The following TMEM132D variants were observed in gnomAD, a reference collection of about 807,000 sequenced individuals.
TMEM132D encodes mature OL transmembrane protein.
In TMEM132D, 21 loss-of-function variants were observed where a neutral mutation model predicts 62.3. The observed-to-expected ratio is 0.34, with a 90% CI of 0.24 to 0.49. The LOEUF (loss-of-function observed/expected upper bound fraction) is 0.49. TMEM132D is among the 20% of genes least tolerant of loss of function. The pLI, the probability that TMEM132D is intolerant of heterozygous loss-of-function variation, is 0.99. For missense variants in TMEM132D, 1,346 were observed against 1,402.8 expected (o/e 0.96, Z 0.65); for synonymous variants, 621 against 575.6 (o/e 1.08, Z -1.13).
At chr12:129,693,982 A>C (rs933490286) in intron 2 of TMEM132D, among the ~76,000 whole-genome samples, 2 of 152,148 alleles carry the variant, frequency 1.3e-5, no homozygotes, top group Non-Finnish European at 2.9e-5. Context: ...CCTAGTGCCC[A>C]TCTTTGCTGT....
At chr12:129,241,887 T>A (rs1014499598) in intron 4 of TMEM132D, among the ~76,000 whole-genome samples, 1 of 152,148 alleles carries the variant, frequency 6.6e-6, no homozygotes, top group African/African-American at 2.4e-5. Context: ...ATATTAGGTG[T>A]CCATAATTAT....
intron 3 of TMEM132D, among the ~76,000 whole-genome samples, chr12:129,514,765 T>C (rs191374200): frequency 9.2e-5 from 14 of 152,334 alleles, no homozygotes; most frequent in African/African-American, 2.6e-4. Context: ...AATTTTGCTT[T>C]TATGATCCAT....
intron 1 of TMEM132D, among the ~76,000 whole-genome samples, chr12:129,751,463 G>A (rs559644150): frequency 6.0e-4 from 91 of 152,206 alleles, no homozygotes; most frequent in Admixed American, 5.1e-3. Context: ...GATTTGGGTG[G>A]GGACACACAG....
chr12:129,528,537 G>A (rs577739515), intron 3 of TMEM132D, among the ~76,000 whole-genome samples: 4 of 151,876 alleles, frequency 2.6e-5, no homozygotes, highest in African/African-American at 7.2e-5. Flanking sequence ...AGTAGAAATC[G>A]CAGTTGCCAG....
intron 1 of TMEM132D, among the ~76,000 whole-genome samples, chr12:129,705,548 A>G (rs931150751): frequency 1.3e-5 from 2 of 152,228 alleles, no homozygotes; most frequent in Non-Finnish European, 2.9e-5. Context: ...TAATTGAACA[A>G]TTATTTGCCC....
intron 3 of TMEM132D, among the ~76,000 whole-genome samples, chr12:129,370,189 CCAAA>C (rs1388299205): frequency 6.6e-6 from 1 of 152,204 alleles, no homozygotes; most frequent in Non-Finnish European, 1.5e-5. Context: ...ACCATGCAGG[CCAAA>C]CAAACAAGCC....
chr12:129,338,993 G>T (rs971449915), intron 3 of TMEM132D, among the ~76,000 whole-genome samples: 1 of 151,940 alleles, frequency 6.6e-6, no homozygotes, highest in Non-Finnish European at 1.5e-5. Context: ...AAAGGAGGGA[G>T]GGAGGGAAAA....
chr12:129,892,854 G>A (rs907504027), intron 1 of TMEM132D, among the ~76,000 whole-genome samples: 2 of 151,964 alleles, frequency 1.3e-5, no homozygotes, highest in Admixed American at 1.3e-4. Flanking sequence ...TATGCATAAT[G>A]GCGCCTGTTT....
At chr12:129,308,342 C>T (rs978390623) in intron 4 of TMEM132D, among the ~76,000 whole-genome samples, 2 of 152,150 alleles carry the variant, frequency 1.3e-5, no homozygotes, top group Non-Finnish European at 2.9e-5. Context: ...GATACGTAAA[C>T]ATCCATAAAG....
intron 1 of TMEM132D, among the ~76,000 whole-genome samples, chr12:129,839,388 A>C (rs1873111286): frequency 6.6e-6 from 1 of 151,230 alleles, no homozygotes. Flanking sequence ...GGCCTCCCAA[A>C]GTACTGGGAT....
In TMEM132D at chr12:129,411,180, G is replaced by C. The variant is rs973544109; in HGVS notation, c.1116-73363C>G. On this transcript the variant is annotated intron_variant, in intron 3 of 8. Transcript: ENST00000422113. ...GTACATAATTATGTCACCTGTAAGA[G>C]AGATAGCTTTACATTTCCCTTACCC... Among the ~76,000 whole-genome samples, 8 of 152,128 alleles carry C rather than the reference G, an allele frequency of 5.3e-5. No homozygotes were observed. The South Asian group carries it at 6.2e-4, about 12-fold the overall frequency.
intron 2 of TMEM132D, among the ~76,000 whole-genome samples, chr12:129,631,645 ATGCG>A (rs1879348177): frequency 6.6e-6 from 1 of 152,204 alleles, no homozygotes; most frequent in African/African-American, 2.4e-5. Context: ...ATCCCCGGTG[ATGCG>A]TCTGATAAAC....
intron 3 of TMEM132D, among the ~76,000 whole-genome samples, chr12:129,435,639 C>T (rs981879398): frequency 2.2e-4 from 34 of 152,154 alleles, no homozygotes; most frequent in African/African-American, 6.8e-4. Context: ...CGATGTTTAC[C>T]TCTGTTCCAG....
chr12:129,199,483 G>A (rs1878636141), intron 5 of TMEM132D, among the ~76,000 whole-genome samples: 1 of 152,142 alleles, frequency 6.6e-6, no homozygotes, highest in African/African-American at 2.4e-5. Flanking sequence ...TTTAGAAACA[G>A]ATTGACATAG....
intron 2 of TMEM132D, among the ~76,000 whole-genome samples, chr12:129,660,821 G>C (rs1195328825): frequency 2.0e-5 from 3 of 152,080 alleles, no homozygotes; most frequent in African/African-American, 4.8e-5. Flanking sequence ...ATGACAGATA[G>C]TTTCTATCCT....
chr12:129,500,726 T>C (rs923544219), intron 3 of TMEM132D, among the ~76,000 whole-genome samples: 2 of 152,236 alleles, frequency 1.3e-5, no homozygotes, highest in Non-Finnish European at 2.9e-5. Flanking sequence ...TAATTGCTCC[T>C]GGGCTGCATT....
intron 1 of TMEM132D, among the ~76,000 whole-genome samples, chr12:129,880,982 C>T (rs1874573787): frequency 6.6e-6 from 1 of 151,942 alleles, no homozygotes; most frequent in African/African-American, 2.4e-5. Flanking sequence ...TACGGGAACA[C>T]ATTATGAACA....
At chr12:129,799,913 A>C (rs900506767) in intron 1 of TMEM132D, among the ~76,000 whole-genome samples, 2 of 152,082 alleles carry the variant, frequency 1.3e-5, no homozygotes, top group African/African-American at 4.8e-5. Flanking sequence ...TCTCCCTAGG[A>C]GTCTGTCATC....
chr12:129,582,816 G>T (rs1489840619), intron 2 of TMEM132D, among the ~76,000 whole-genome samples: 1 of 152,062 alleles, frequency 6.6e-6, no homozygotes, highest in East Asian at 1.9e-4. Flanking sequence ...GTAGAAACAG[G>T]GTTTCACCAT....
Sources: allele counts gnomAD v4.1 joint callset (sites outside exome capture counted in the v4.1 genomes callset), GRCh38; gene constraint gnomAD v4.1.1; transcripts MANE v1.5; gene names NCBI Gene and HGNC (gene_info 2026-07-23, HGNC 2026-07-21).